Variants in FBXO44 observed in about 807,000 individuals in gnomAD.
FBXO44 encodes the protein F-box protein 44.
FBXO44 carries 25 observed loss-of-function variants against 33.5 expected under a neutral mutation model. The ratio of observed to expected loss-of-function variants is 0.75; its 90% CI spans 0.54 to 1.04. The LOEUF (loss-of-function observed/expected upper bound fraction) is 1.04. FBXO44 is among the 50% of genes least tolerant of loss of function. The pLI, the probability that FBXO44 is intolerant of heterozygous loss-of-function variation, is 0.00. For synonymous variants in FBXO44, 147 were observed against 152.8 expected (o/e 0.96, Z 0.28); for missense variants, 311 against 344.0 (o/e 0.90, Z 0.76).
At chr1:11,654,622 T>C (rs1639637403), upstream of FBXO44, 2 of 334,140 alleles carry the variant, frequency 6.0e-6, no homozygotes, top group East Asian at 9.3e-5. Context: ...GGGGTCCGAT[T>C]TGGGGCATCT....
chr1:11,659,365 C>G (rs149835983), intron 5 of FBXO44, among the ~76,000 whole-genome samples: 12 of 151,588 alleles, frequency 7.9e-5, no homozygotes, highest in Non-Finnish European at 1.6e-4. Flanking sequence ...GCAACAAGAG[C>G]GAAACTCCAT....
chr1:11,659,667 A>AT (rs1299434173), intron 5 of FBXO44, among the ~76,000 whole-genome samples: 11 of 151,088 alleles, frequency 7.3e-5, no homozygotes, highest in Non-Finnish European at 1.5e-4. Context: ...TAAAAAAAAA[A>AT]TTTTTTTTTG....
upstream of FBXO44, chr1:11,654,569 G>A (rs1311718353): frequency 7.8e-6 from 3 of 384,748 alleles, no homozygotes; most frequent in Non-Finnish European, 1.4e-5. Flanking sequence ...GCGGACCGAG[G>A]AGGCTGGGAA....
chr1:11,655,618 A>G, intron 1 of FBXO44, 188 bp from the exon 2 acceptor site: 1 of 611,084 alleles, frequency 1.6e-6, no homozygotes, highest in South Asian at 2.1e-5. Context: ...GTGAGAGGCC[A>G]GAGAAAAAAA....
chr1:11,660,799 T>A (rs1640129569), intron 5 of FBXO44, among the ~76,000 whole-genome samples: 2 of 152,058 alleles, frequency 1.3e-5, no homozygotes, highest in Admixed American at 1.3e-4. Flanking sequence ...TTCTTTTGTT[T>A]TTTAGAGACA....
upstream of FBXO44, chr1:11,654,629 A>G (rs1053689795): frequency 1.9e-5 from 6 of 321,490 alleles, no homozygotes; most frequent in Non-Finnish European, 2.8e-5. Context: ...GATTTGGGGC[A>G]TCTCGCAGCT....
intron 2 of FBXO44, among the ~76,000 whole-genome samples, chr1:11,657,349 A>G (rs1036069816): frequency 6.6e-6 from 1 of 152,184 alleles, no homozygotes; most frequent in Non-Finnish European, 1.5e-5. Flanking sequence ...AGGCTCAGAG[A>G]GGAAAAGCAA....
intron 5 of FBXO44, among the ~76,000 whole-genome samples, chr1:11,659,711 G>T (rs986397006): frequency 6.6e-6 from 1 of 152,134 alleles, no homozygotes; most frequent in African/African-American, 2.4e-5. Flanking sequence ...GCCCAGGCTG[G>T]TCTCGCACTC....
rs1211651961 is a variant in FBXO44, at chr1:11,663,103, C to A, written c.*1830C>A. 2 of 151,836 alleles carry A rather than the reference C, an allele frequency of 1.3e-5. No individual in the cohort carries two copies. Among genetic ancestry groups the A allele is most frequent in the Non-Finnish European group, 2.9e-5 (2 of 67,972 alleles). 9.4% of individuals were successfully genotyped at this position (151,836 alleles called of 1,614,324 possible). The stretch of plus-strand genomic sequence containing the variant: ...TCTGGAGTAGCTGAGACTACAGGCG[C>A]CCACCACCATGCCCGGCTAATTTTG... On this transcript the variant is annotated 3_prime_UTR_variant, in exon 6 of 6. Coordinates refer to ENST00000251547, the MANE Select transcript of FBXO44 (RefSeq NM_033182.7).
intron 2 of FBXO44, among the ~76,000 whole-genome samples, chr1:11,657,850 C>T (rs1296313615): frequency 6.6e-6 from 1 of 152,114 alleles, no homozygotes; most frequent in East Asian, 1.9e-4. Flanking sequence ...AGTCCTAAAA[C>T]ATTTTGGCAC....
chr1:11,656,464 AT>A (rs35902161), intron 2 of FBXO44, among the ~76,000 whole-genome samples: 69,864 of 141,780 alleles, frequency 0.49, 18,235 homozygotes, highest in East Asian at 0.69. Flanking sequence ...CACCTGGCTA[AT>A]TTTTTTTTTT....
At chr1:11,655,670 C>A (rs2100605969) in intron 1 of FBXO44, 136 bp from the exon 2 acceptor site, 2 of 829,800 alleles carry the variant, frequency 2.4e-6, no homozygotes, top group Non-Finnish European at 3.7e-6. Context: ...GTGTCCCAAG[C>A]TCCTTGGACC....
intron 2 of FBXO44, 96 bp downstream of exon 2, chr1:11,656,196 G>A (rs1639783677): frequency 1.1e-5 from 16 of 1,497,726 alleles, no homozygotes; most frequent in Non-Finnish European, 1.4e-5. Flanking sequence ...ACTTTGGATG[G>A]TTTAACACCT....
rs1640148925 is a variant in FBXO44, at chr1:11,661,015, T to C, written c.625-115T>C. The C allele has an allele frequency of 8.8e-7, 1 of 1,133,908 alleles. No individual in the cohort carries two copies. The highest frequency in any genetic ancestry group is 1.6e-5 in the African/African-American group (1 of 63,904). 70.2% of individuals were successfully genotyped at this position (1,133,908 alleles called of 1,614,324 possible). The stretch of plus-strand genomic sequence containing the variant: ...CAAGACTAGTTGCAAACTCCTGGGC[T>C]CAAACAACCCTCCCACCTCAGCCTC... On this transcript the variant is annotated intron_variant, in intron 5 of 5. Coordinates refer to ENST00000251547, the MANE Select transcript of FBXO44 (RefSeq NM_033182.7). This position sits in a 1 kb window ranked among gnomAD's most constrained non-coding sequence, Gnocchi z 4.4.
At position 11,655,807 on chromosome 1, in the gene FBXO44, T is replaced by C. The variant is rs772763166; in HGVS notation, c.-29T>C. On this transcript the variant is annotated splice_region_variant and 5_prime_UTR_variant, in exon 2 of 6. Transcript: ENST00000251547. ...GCCTGCAGCATAGCTTTTCAACAGC[T>C]ACAGGAGGGTGTCCAGAAGCCACAA... 14 of 1,609,954 alleles carry C rather than the reference T, an allele frequency of 8.7e-6. No homozygotes were observed. Among genetic ancestry groups the C allele is most frequent in the Admixed American group, 3.3e-5 (2 of 59,956 alleles).
At position 11,658,629 on chromosome 1, in the gene FBXO44, G is replaced by A; in HGVS notation, c.488+1G>A. 6.2e-7 allele frequency: 1 copy of A among 1,613,506 alleles called. No homozygotes were observed. The highest frequency in any genetic ancestry group is 8.5e-7 in the Non-Finnish European group (1 of 1,179,954). On this transcript the variant is annotated splice_donor_variant, in intron 4 of 5. Transcript: ENST00000251547. LOFTEE classifies it high-confidence loss of function. The stretch of plus-strand genomic sequence containing the variant: ...GGCCGGACATCGAGGTCAAGGACTG[G>A]TGAGTGCCTGGGGCGAGGGTCTGGG...
chr1:11,658,115 A>G, intron 2 of FBXO44, 152 bp from the exon 3 acceptor site: 1 of 1,257,944 alleles, frequency 7.9e-7, no homozygotes. Flanking sequence ...AGCACCTAAT[A>G]CGCGGTGGGC....
intron 2 of FBXO44, among the ~76,000 whole-genome samples, chr1:11,657,397 G>A (rs904567486): frequency 6.6e-6 from 1 of 152,166 alleles, no homozygotes; most frequent in African/African-American, 2.4e-5. Flanking sequence ...TGGTAGAGCT[G>A]GGACTAGACC....
intron 2 of FBXO44, among the ~76,000 whole-genome samples, chr1:11,657,461 T>C (rs1639882197): frequency 1.3e-5 from 2 of 152,030 alleles, no homozygotes; most frequent in African/African-American, 4.8e-5. Context: ...GCAGCTGGGC[T>C]GGGTGCAGTG....
Sources: allele counts gnomAD v4.1 joint callset (sites outside exome capture counted in the v4.1 genomes callset), GRCh38; gene constraint gnomAD v4.1.1; non-coding constraint Gnocchi (gnomAD v3.1); transcripts MANE v1.5; gene names NCBI Gene and HGNC (gene_info 2026-07-23, HGNC 2026-07-21).